The following ADAMTSL1 variants were observed in gnomAD, a reference collection of about 807,000 sequenced individuals.
ADAMTSL1 encodes ADAMTS-like protein 1.
A neutral mutation model predicts 201.8 loss-of-function variants in ADAMTSL1; 126 were observed. The ratio of observed to expected loss-of-function variants is 0.62; its 90% confidence interval spans 0.54 to 0.72. ADAMTSL1 has a LOEUF of 0.72. ADAMTSL1 is among the 30% of genes least tolerant of loss of function. ADAMTSL1 has a pLI of 0.00. For missense variants in ADAMTSL1, 2,679 were observed against 2,277.8 expected (o/e 1.18, Z -3.59); for synonymous variants, 1,121 against 903.4 (o/e 1.24, Z -4.32).
intron 15 of ADAMTSL1, among the ~76,000 whole-genome samples, chr9:18,746,515 C>A (rs1378306147): frequency 6.6e-6 from 1 of 152,286 alleles, no homozygotes; most frequent in Middle Eastern, 3.4e-3. Context: ...CTTCAGTTTA[C>A]AATAACTTCA....
chr9:18,087,787 A>G (rs1823830670), intron 1 of ADAMTSL1, among the ~76,000 whole-genome samples: 1 of 152,194 alleles, frequency 6.6e-6, no homozygotes, highest in Admixed American at 6.6e-5. Context: ...AATTTGTATC[A>G]GTGTTGTATT....
At chr9:18,472,815 G>A (rs1364744539), upstream of ADAMTSL1, among the ~76,000 whole-genome samples, 5 of 152,208 alleles carry the variant, frequency 3.3e-5, no homozygotes, top group East Asian at 1.9e-4. Context: ...AAGGGAAAAC[G>A]TCCTGATGAC....
chr9:18,870,636 T>C (rs1010804431), intron 23 of ADAMTSL1, among the ~76,000 whole-genome samples: 1 of 152,126 alleles, frequency 6.6e-6, no homozygotes, highest in African/African-American at 2.4e-5. Context: ...AATAAAGTTA[T>C]AAGCTTTCCA....
chr9:18,102,217 A>C (rs1824559214), intron 1 of ADAMTSL1, among the ~76,000 whole-genome samples: 3 of 152,162 alleles, frequency 2.0e-5, no homozygotes, highest in Admixed American at 2.0e-4. Flanking sequence ...ATTTCTTTGA[A>C]GTATTTCATG....
chr9:18,577,798 T>C (rs903742229), intron 4 of ADAMTSL1, among the ~76,000 whole-genome samples: 2 of 152,116 alleles, frequency 1.3e-5, no homozygotes, highest in African/African-American at 4.8e-5. Context: ...ACAAACTTCT[T>C]AATTGGTTAG....
chr9:18,529,247 T>C (rs774750410), intron 2 of ADAMTSL1, among the ~76,000 whole-genome samples: 30 of 152,210 alleles, frequency 2.0e-4, no homozygotes, highest in Non-Finnish European at 3.7e-4. Flanking sequence ...TATCTACCTA[T>C]GTTTTTCTAG....
intron 2 of ADAMTSL1, among the ~76,000 whole-genome samples, chr9:18,327,088 A>T (rs966463653): frequency 4.6e-5 from 7 of 152,186 alleles, no homozygotes; most frequent in African/African-American, 7.2e-5. Flanking sequence ...TGATAAAAAA[A>T]TTTTCAAATT....
At chr9:18,258,742 C>T (rs1373922427) in intron 2 of ADAMTSL1, among the ~76,000 whole-genome samples, 2 of 152,166 alleles carry the variant, frequency 1.3e-5, no homozygotes, top group African/African-American at 2.4e-5. Context: ...ACCAACAAAG[C>T]CTGCAAATTC....
intron 1 of ADAMTSL1, among the ~76,000 whole-genome samples, chr9:18,062,122 T>A (rs945443636): frequency 6.6e-6 from 1 of 152,238 alleles, no homozygotes; most frequent in Non-Finnish European, 1.5e-5. Flanking sequence ...ATTTTATGAC[T>A]CACATAAGTT....
intron 14 of ADAMTSL1, among the ~76,000 whole-genome samples, chr9:18,719,634 G>A (rs931031545): frequency 6.6e-6 from 1 of 152,190 alleles, no homozygotes; most frequent in Admixed American, 6.5e-5. Flanking sequence ...AAAGTGTTGG[G>A]ATTACAGGCA....
chr9:18,346,892 A>T (rs1483071646), intron 2 of ADAMTSL1, among the ~76,000 whole-genome samples: 1 of 152,188 alleles, frequency 6.6e-6, no homozygotes, highest in African/African-American at 2.4e-5. Context: ...GATCTGTCAG[A>T]CAATGGAAGG....
rs1221107420 is a variant in ADAMTSL1 at position 17,911,931 on chromosome 9, C to T, written c.87+5009C>T. Among the ~76,000 whole-genome samples, 2 of 49,234 alleles carry T rather than the reference C, an allele frequency of 4.1e-5. 1 individual carries two copies. Among genetic ancestry groups the T allele is most frequent in the African/African-American group, 7.4e-5 (2 of 27,192 alleles). The allele number at this position is 49,234 out of a possible 152,430, so 32.3% of individuals were successfully genotyped here. On this transcript the variant is annotated intron_variant, in intron 1 of 29. Coordinates refer to the ADAMTSL1 transcript ENST00000680146. ...ATTCCCACCTATGAGTGAGAATATG[C>T]GGTGTTTGGTTTTTTGTTCTTGCAA...
At chr9:18,044,866 C>T (rs1193836399) in intron 1 of ADAMTSL1, among the ~76,000 whole-genome samples, 1 of 152,200 alleles carries the variant, frequency 6.6e-6, no homozygotes, top group African/African-American at 2.4e-5. Context: ...GTATGGCTCT[C>T]TGGCTCTCCT....
At chr9:18,261,757 A>G (rs548391158) in intron 2 of ADAMTSL1, among the ~76,000 whole-genome samples, 50 of 152,328 alleles carry the variant, frequency 3.3e-4, no homozygotes, top group African/African-American at 1.1e-3. Context: ...TGTATTTACT[A>G]AAAGCAAGAA....
In ADAMTSL1 at chr9:18,574,198, C is replaced by T. The variant is rs1330013845; in HGVS notation, c.406C>T (p.Pro136Ser). The part of the protein sequence containing the change: ...KGTTLVVELA[P>S]KVLDGTRCYT... ...AACAACCCTGGTTGTTGAACTAGCA[C>T]CTAAGGTCTTAGATGGTACGCGTTG... The change falls in exon 4 of 29, where the codon CCT becomes TCT. Residue 136 changes from proline to serine, a missense_variant. Coordinates refer to ENST00000380548, the MANE Select transcript of ADAMTSL1 (RefSeq NM_001040272.6). 2 of 1,614,130 alleles carry T rather than the reference C, an allele frequency of 1.2e-6. No homozygotes were observed. The highest frequency in any genetic ancestry group is 2.7e-5 in the African/African-American group (2 of 75,040).
chr9:18,167,141 T>G (rs1483898436), intron 2 of ADAMTSL1, among the ~76,000 whole-genome samples: 1 of 151,988 alleles, frequency 6.6e-6, no homozygotes, highest in African/African-American at 2.4e-5. Context: ...ACGCTTTTAT[T>G]CGTTATTGAA....
intron 2 of ADAMTSL1, among the ~76,000 whole-genome samples, chr9:18,376,324 A>G (rs1176098187): frequency 6.6e-6 from 1 of 152,224 alleles, no homozygotes; most frequent in East Asian, 1.9e-4. Context: ...GCAAGATTGC[A>G]AGGAAATGTC....
intron 1 of ADAMTSL1, among the ~76,000 whole-genome samples, chr9:18,127,065 A>G (rs1825760946): frequency 6.6e-6 from 1 of 152,134 alleles, no homozygotes; most frequent in Non-Finnish European, 1.5e-5. Flanking sequence ...AGTTGTAAAG[A>G]CAGCATTTCA....
At chr9:18,069,561 C>T (rs1284864587) in intron 1 of ADAMTSL1, among the ~76,000 whole-genome samples, 1 of 152,202 alleles carries the variant, frequency 6.6e-6, no homozygotes, top group Non-Finnish European at 1.5e-5. Flanking sequence ...AACTTGATTT[C>T]AAAGCCCACT....
Sources: allele counts gnomAD v4.1 joint callset (sites outside exome capture counted in the v4.1 genomes callset), GRCh38; gene constraint gnomAD v4.1.1; transcripts MANE v1.5; gene names NCBI Gene and HGNC (gene_info 2026-07-23, HGNC 2026-07-21).